Variants in CENPT observed in about 807,000 individuals in gnomAD.
CENPT encodes interphase centromere complex protein 22.
A neutral mutation model predicts 59.7 loss-of-function variants in CENPT; 42 were observed. That is an observed-to-expected ratio of 0.70 (90% confidence interval 0.55 to 0.91). The LOEUF is 0.91. Ranked by LOEUF, CENPT falls within the 40% of genes least tolerant of loss-of-function variation. The probability of loss-of-function intolerance (pLI) is 0.00; values close to 1 mark genes in which losing one functional copy is unlikely to be tolerated. For missense variants in CENPT, 716 were observed against 713.4 expected (o/e 1.00, Z -0.04); for synonymous variants, 295 against 289.6 (o/e 1.02, Z -0.19).
rs772159728 is a variant in CENPT at position 67,833,834 on chromosome 16, T to A, written c.26A>T (p.Asp9Val). 1.3e-6 allele frequency: 2 copies of A among 1,569,302 alleles called. No homozygotes were observed. The highest frequency in any genetic ancestry group is 5.0e-5 in the East Asian group (2 of 39,878). The change falls in exon 4 of 16, where the codon GAC becomes GTC. Residue 9 changes from aspartate (D) to valine (V), a missense_variant. Physicochemically the swap from Asp to Val is radical, Grantham distance 152. Coordinates refer to ENST00000562787, the MANE Select transcript of CENPT (RefSeq NM_025082.4). MADHNPDSDSTPRTLLRRV... is the reference protein window; with the variant it reads MADHNPDSVSTPRTLLRRV... ...TCGCAGCAGCGTGCGCGGCGTGGAG[T>A]CGCTGTCAGGGTTGTGGTCAGCCAT...
rs1475471264 is a variant in CENPT, at chr16:67,843,082, G to C, written c.-492+4319C>G. ...AGGCTCCGGGATCCGTACAGCCGGC[G>C]CCCATCACTCCCACTGGAGAAGACG... On this transcript the variant is annotated intron_variant, in intron 1 of 15. Transcript: ENST00000562787. The surrounding 1 kb of genome is among the most constrained non-coding windows in gnomAD (Gnocchi z 5.7). The C allele has an allele frequency of 6.2e-7, 1 of 1,611,298 alleles. No individual in the cohort carries two copies. The highest frequency in any genetic ancestry group is 1.1e-5 in the South Asian group (1 of 91,084).
At chr16:67,841,173 GAC>G (rs1182308234) in intron 1 of CENPT, among the ~76,000 whole-genome samples, 1 of 106,106 alleles carries the variant, frequency 9.4e-6, no homozygotes, top group Non-Finnish European at 1.7e-5. Context: ...CCAGTCTGGC[GAC>G]ACAGTGAGAC....
chr16:67,829,337 T>C, intron 13 of CENPT, 86 bp downstream of exon 13: 1 of 1,084,748 alleles, frequency 9.2e-7, no homozygotes. Flanking sequence ...TGCATACCCG[T>C]AGGAAGGGGG....
intron 1 of CENPT, among the ~76,000 whole-genome samples, chr16:67,845,712 TAGGG>T (rs1313906825): frequency 6.6e-6 from 1 of 152,176 alleles, no homozygotes. Context: ...TTTGGCTTCT[TAGGG>T]AGAAGAAGAC....
intron 4 of CENPT, 27 bp downstream of exon 4, chr16:67,833,723 A>C: frequency 3.6e-6 from 5 of 1,403,270 alleles, no homozygotes; most frequent in Non-Finnish European, 4.8e-6. Context: ...CTAGTTGCTC[A>C]AGTACTCGGG....
chr16:67,845,611 A>C (rs1285178307), intron 1 of CENPT, among the ~76,000 whole-genome samples: 1 of 152,202 alleles, frequency 6.6e-6, no homozygotes, highest in African/African-American at 2.4e-5. Flanking sequence ...TATTTATTGA[A>C]GGGACTTCTG....
intron 1 of CENPT, among the ~76,000 whole-genome samples, chr16:67,837,149 C>T (rs1040329259): frequency 4.0e-5 from 6 of 151,548 alleles, no homozygotes; most frequent in Non-Finnish European, 8.8e-5. Flanking sequence ...GGATTACAGG[C>T]GTGAGCCACC....
chr16:67,840,288 A>T lies in CENPT; in HGVS notation c.-491-4630T>A, dbSNP rs564034896. Reference sequence around the variant, plus strand: ...AGCTGAGATCGCGCCACTGCCCTCCAGCCTGGGCAACAGAGCGAGACTCCG... The same window carrying T: ...AGCTGAGATCGCGCCACTGCCCTCCTGCCTGGGCAACAGAGCGAGACTCCG... On this transcript the variant is annotated intron_variant, in intron 1 of 15. Coordinates refer to ENST00000562787, the MANE Select transcript of CENPT (RefSeq NM_025082.4). Among the ~76,000 whole-genome samples the T allele has an allele frequency of 2.6e-5, 4 of 152,360 alleles. No individual in the cohort carries two copies. The South Asian group carries it at 8.3e-4, about 32-fold the overall frequency.
Position 67,843,372 on chromosome 16 carries a change from T to A in CENPT, c.-492+4029A>T. 6.2e-7 allele frequency: 1 copy of A among 1,613,836 alleles called. No homozygotes were observed. The highest frequency in any genetic ancestry group is 8.5e-7 in the Non-Finnish European group (1 of 1,180,010). On this transcript the variant is annotated intron_variant, in intron 1 of 15. Coordinates refer to ENST00000562787, the MANE Select transcript of CENPT (RefSeq NM_025082.4). The surrounding 1 kb of genome is among the most constrained non-coding windows in gnomAD (Gnocchi z 5.7). Reference sequence around the variant, plus strand: ...CGGGACATCCTGGCTCTGATGGAAGTGAAGATGAAAGAGATGAAAGGCAGC... The same window carrying A: ...CGGGACATCCTGGCTCTGATGGAAGAGAAGATGAAAGAGATGAAAGGCAGC...
At position 67,828,185 on chromosome 16, in the gene CENPT, G is replaced by A; in HGVS notation, c.*82C>T. The A allele has an allele frequency of 1.4e-6, 2 of 1,475,792 alleles. No individual in the cohort carries two copies. The highest frequency in any genetic ancestry group is 1.9e-4 in the Middle Eastern group (1 of 5,380). 91.4% of individuals were successfully genotyped at this position (1,475,792 alleles called of 1,614,324 possible). ...TGTTTATGACACTTTATTGATGCTG[G>A]GGGGGTGGGGAGGAGACCTGGAGAA... On this transcript the variant is annotated 3_prime_UTR_variant, in exon 16 of 16. Coordinates refer to ENST00000562787, the MANE Select transcript of CENPT (RefSeq NM_025082.4).
intron 1 of CENPT, among the ~76,000 whole-genome samples, chr16:67,837,123 G>A (rs756340449): frequency 6.6e-6 from 1 of 151,704 alleles, no homozygotes; most frequent in Non-Finnish European, 1.5e-5. Flanking sequence ...TTCCGCCTCG[G>A]CCTCCCAAAG....
Position 67,843,547 on chromosome 16 carries a change from G to C in CENPT, c.-492+3854C>G, listed in dbSNP as rs1383237988. 6.4e-7 allele frequency: 1 copy of C among 1,562,782 alleles called. No homozygotes were observed. On this transcript the variant is annotated intron_variant, in intron 1 of 15. Coordinates refer to ENST00000562787, the MANE Select transcript of CENPT (RefSeq NM_025082.4). This position sits in a 1 kb window ranked among gnomAD's most constrained non-coding sequence, Gnocchi z 5.7. ...GGACTCCCAGACCCCATCCAGCCAG[G>C]GGACCGCAGGCCATTGTTGAACTCC...
chr16:67,829,930 C>T lies in CENPT; in HGVS notation c.1021G>A (p.Gly341Ser). 6.2e-7 allele frequency: 1 copy of T among 1,614,126 alleles called. No individual in the cohort carries two copies. Among genetic ancestry groups the T allele is most frequent in the Non-Finnish European group, 8.5e-7 (1 of 1,179,956 alleles). Reference protein sequence around the residue: ...EEAEKKMEEEGVSVSEMEATG... With the variant: ...EEAEKKMEEESVSVSEMEATG... Reference sequence around the variant, plus strand: ...GCCTCCATTTCACTCACACTCACACCTTCTTCTTCCATCTTTTTCTCTGCC... The same window carrying T: ...GCCTCCATTTCACTCACACTCACACTTTCTTCTTCCATCTTTTTCTCTGCC... The change falls in exon 12 of 16, where the codon GGT (glycine) becomes AGT (serine). Residue 341 changes from glycine (G) to serine (S), a missense_variant. Coordinates refer to ENST00000562787, the MANE Select transcript of CENPT (RefSeq NM_025082.4).
intron 1 of CENPT, among the ~76,000 whole-genome samples, chr16:67,837,252 A>T (rs534003772): frequency 2.0e-4 from 30 of 151,968 alleles, no homozygotes; most frequent in African/African-American, 7.2e-4. Context: ...AGGTCACTGA[A>T]GATCTCAACC....
rs1174300360 is a variant in CENPT, at chr16:67,828,281, A to G, written c.1672T>C (p.Phe558Leu). 2 of 1,597,858 alleles carry G rather than the reference A, an allele frequency of 1.3e-6. No homozygotes were observed. The highest frequency in any genetic ancestry group is 1.7e-6 in the Non-Finnish European group (2 of 1,168,598). The change falls in exon 16 of 16, where the codon TTC (phenylalanine) becomes CTC (leucine). Residue 558 changes from phenylalanine to leucine, a missense_variant. Physicochemically the swap from Phe to Leu is conservative, Grantham distance 22. Coordinates refer to ENST00000562787, the MANE Select transcript of CENPT (RefSeq NM_025082.4). Reference protein sequence around the residue: ...IPCAYSGNSVFPAQ With the variant: ...IPCAYSGNSVLPAQ ...AAGCCTGGCCACTACTGGGCAGGGAAGACAGAGTTGCCACTGTATGCACAG... is the reference window on the plus strand; with the variant it reads ...AAGCCTGGCCACTACTGGGCAGGGAGGACAGAGTTGCCACTGTATGCACAG...
rs756726426 is a variant in CENPT at position 67,830,156 on chromosome 16, T to A, written c.863-68A>T. The stretch of plus-strand genomic sequence containing the variant: ...CAAGGCTGCATAGCTCAGAGAAGGG[T>A]AAAGATGGACCAGCAGACCCAGTCC... On this transcript the variant is annotated intron_variant, in intron 11 of 15. Coordinates refer to ENST00000562787, the MANE Select transcript of CENPT (RefSeq NM_025082.4). 2.7e-6 allele frequency: 4 copies of A among 1,489,356 alleles called. No homozygotes were observed. In the South Asian group the frequency reaches 3.5e-5, roughly 13 times the overall value. 92.3% of individuals were successfully genotyped at this position (1,489,356 alleles called of 1,614,324 possible). A position where few individuals can be genotyped will look rare whatever the true frequency, so the allele number is the denominator to read the frequency against.
intron 15 of CENPT, 21 bp downstream of exon 15, chr16:67,828,453 C>T: frequency 6.2e-7 from 1 of 1,614,136 alleles, no homozygotes; most frequent in Non-Finnish European, 8.5e-7. Flanking sequence ...GCCAGCACCC[C>T]CACACCTTCC....
chr16:67,845,410 G>A (rs2057790657), intron 1 of CENPT, among the ~76,000 whole-genome samples: 1 of 152,182 alleles, frequency 6.6e-6, no homozygotes, highest in South Asian at 2.1e-4. Context: ...GTGAGACATA[G>A]GTTGTGTAGG....
intron 1 of CENPT, among the ~76,000 whole-genome samples, chr16:67,841,006 AATACATATATAT>A (rs1249729183): frequency 6.0e-5 from 4 of 66,458 alleles, no homozygotes; most frequent in African/African-American, 3.4e-4. Context: ...CTAAATACAA[AATACATATATAT>A]ATATATATAT....
Sources: allele counts gnomAD v4.1 joint callset (sites outside exome capture counted in the v4.1 genomes callset), GRCh38; gene constraint gnomAD v4.1.1; non-coding constraint Gnocchi (gnomAD v3.1); transcripts MANE v1.5; gene names NCBI Gene and HGNC (gene_info 2026-07-23, HGNC 2026-07-21).